Variants in PCLO observed in about 807,000 individuals in gnomAD.
PCLO encodes protein piccolo.
Under a neutral mutation model 427.5 loss-of-function variants are expected in PCLO, and 82 were observed. The observed-to-expected ratio is 0.19, with a 90% CI of 0.16 to 0.23. PCLO has a LOEUF of 0.23. Among genes scored for constraint, PCLO ranks in the 10% least tolerant of loss-of-function variants. PCLO has a pLI of 1.00. For synonymous variants in PCLO, 2,357 were observed against 2,155.4 expected (o/e 1.09, Z -2.59); for missense variants, 6,239 against 6,115.9 (o/e 1.02, Z -0.67).
intron 2 of PCLO, among the ~76,000 whole-genome samples, chr7:83,151,980 G>C (rs1406601135): frequency 2.0e-5 from 3 of 149,070 alleles, no homozygotes; most frequent in Non-Finnish European, 3.0e-5. Flanking sequence ...TTTTTTTTGA[G>C]ACAGAGTCTT....
rs116562439 is a variant in PCLO, at chr7:82,897,748, A to C, written c.13528+4903T>G. ...AAAATGCATCCACTGTGAGTTACAG[A>C]AACAGTTTATTTTATGCTGTACACA... On this transcript the variant is annotated intron_variant, in intron 9 of 24. Transcript: ENST00000333891. Among the ~76,000 whole-genome samples the C allele has an allele frequency of 5.2e-3, 784 of 151,582 alleles. 7 individuals are homozygous for C. Among genetic ancestry groups the C allele is most frequent in the African/African-American group, 0.018 (747 of 41,504 alleles).
At chr7:83,027,878 C>T (rs1249451929) in intron 3 of PCLO, among the ~76,000 whole-genome samples, 2 of 125,438 alleles carry the variant, frequency 1.6e-5, no homozygotes, top group Non-Finnish European at 3.5e-5. Context: ...TCAATAGATG[C>T]AGAAAAGGCC....
intron 16 of PCLO, among the ~76,000 whole-genome samples, chr7:82,829,661 T>C (rs1284042368): frequency 1.3e-5 from 2 of 152,268 alleles, no homozygotes; most frequent in Admixed American, 6.5e-5. Flanking sequence ...TTTCTATATA[T>C]ACTTTTTAGA....
intron 22 of PCLO, among the ~76,000 whole-genome samples, chr7:82,800,785 G>A (rs922556490): frequency 2.6e-5 from 4 of 151,840 alleles, no homozygotes; most frequent in Admixed American, 1.3e-4. Flanking sequence ...TAGTAGAGAT[G>A]GGGTTTCGCC....
At chr7:83,073,578 T>C (rs1016837192) in intron 3 of PCLO, among the ~76,000 whole-genome samples, 1 of 151,974 alleles carries the variant, frequency 6.6e-6, no homozygotes, top group Non-Finnish European at 1.5e-5. Flanking sequence ...ACATTTGTAA[T>C]GCAAACAAAG....
intron 3 of PCLO, among the ~76,000 whole-genome samples, chr7:82,999,826 TAATATTA>T (rs1324026480): frequency 9.1e-6 from 1 of 110,128 alleles, no homozygotes; most frequent in Non-Finnish European, 1.8e-5. Context: ...ATATAATATA[TAATATTA>T]AATATAAAAT....
rs779523361 is a variant in PCLO, at chr7:82,955,022, T to G, written c.5931A>C (p.Gln1977His). 6.2e-7 allele frequency: 1 copy of G among 1,613,874 alleles called. No individual in the cohort carries two copies. The highest frequency in any genetic ancestry group is 1.1e-5 in the South Asian group (1 of 91,084). The change falls in exon 5 of 25, where the codon CAA (glutamine) becomes CAC (histidine). Residue 1977 changes from glutamine to histidine, a missense_variant. Physicochemically the swap from Gln to His is conservative, Grantham distance 24 (BLOSUM62 0). Coordinates refer to ENST00000333891, the MANE Select transcript of PCLO (RefSeq NM_033026.6). The part of the protein sequence containing the change: ...GSVDGSLLTR[Q>H]EEENGFMQQK... Reference sequence around the variant, plus strand: ...GCTGCATAAATCCATTTTCTTCTTCTTGCCTTGTTAGCAGACTGCCATCTA... The same window carrying G: ...GCTGCATAAATCCATTTTCTTCTTCGTGCCTTGTTAGCAGACTGCCATCTA...
At chr7:82,957,507 G>A (rs1346542535) in intron 4 of PCLO, among the ~76,000 whole-genome samples, 1 of 152,108 alleles carries the variant, frequency 6.6e-6, no homozygotes, top group East Asian at 1.9e-4. Flanking sequence ...TTCAAACAAG[G>A]CACTGCTTTT....
intron 3 of PCLO, among the ~76,000 whole-genome samples, chr7:83,099,474 C>T (rs1306102825): frequency 1.3e-5 from 2 of 151,034 alleles, no homozygotes; most frequent in Admixed American, 6.6e-5. Flanking sequence ...CTGCAACCTC[C>T]GCCTCCCGGA....
chr7:83,083,342 G>A (rs912685448), intron 3 of PCLO, among the ~76,000 whole-genome samples: 4 of 151,852 alleles, frequency 2.6e-5, no homozygotes, highest in Non-Finnish European at 5.9e-5. Flanking sequence ...AATCAAATAT[G>A]ATCTCAACTT....
Position 83,135,496 on chromosome 7 carries a change from T to C in PCLO, c.2054A>G (p.Lys685Arg), listed in dbSNP as rs770628124. ...SSPQPQQTSP[K>R]KDAAPKQDLS... ...ATCCTGTTTTGGTGCAGCATCCTTC[T>C]TTGGGGAAGTCTGCTGTGGCTGTGG... is the stretch of plus-strand genomic sequence containing the variant. The change falls in exon 3 of 25, where the codon AAG (lysine) becomes AGG (arginine). Residue 685 changes from lysine (K) to arginine (R), a missense_variant. Lys to Arg is a conservative substitution (Grantham distance 26). Transcript: ENST00000333891. 1.2e-6 allele frequency: 2 copies of C among 1,613,726 alleles called. No individual in the cohort carries two copies. The highest frequency in any genetic ancestry group is 1.7e-5 in the Admixed American group (1 of 59,996).
At position 82,950,440 on chromosome 7, in the gene PCLO, T is replaced by G. The variant is rs1444632128; in HGVS notation, c.10148A>C (p.Gln3383Pro). The G allele has an allele frequency of 6.2e-7, 1 of 1,613,802 alleles. No individual in the cohort carries two copies. The highest frequency in any genetic ancestry group is 1.7e-5 in the Admixed American group (1 of 59,998). ...WYTVQSDGVTQYIAPPGILST... is the reference protein window; with the variant it reads ...WYTVQSDGVTPYIAPPGILST... Reference sequence around the variant, plus strand: ...CAGGATACCAGGTGGGGCAATGTACTGAGTAACACCATCAGACTGAACGGT... The same window carrying G: ...CAGGATACCAGGTGGGGCAATGTACGGAGTAACACCATCAGACTGAACGGT... The change falls in exon 6 of 25, where the codon CAG (glutamine) becomes CCG (proline). Residue 3383 changes from glutamine (Q) to proline (P), a missense_variant. By Grantham distance (76) the Gln-to-Pro change is moderately conservative (BLOSUM62 -1). Coordinates refer to ENST00000333891, the MANE Select transcript of PCLO (RefSeq NM_033026.6).
chr7:83,149,154 G>A (rs1290169766), intron 2 of PCLO, among the ~76,000 whole-genome samples: 3 of 152,124 alleles, frequency 2.0e-5, no homozygotes, highest in Non-Finnish European at 4.4e-5. Context: ...GGTTCCTCCT[G>A]TACCTTGTCT....
intron 9 of PCLO, 150 bp downstream of exon 9, chr7:82,902,501 C>A: frequency 1.9e-6 from 1 of 539,950 alleles, no homozygotes; most frequent in South Asian, 2.0e-5. Flanking sequence ...GGGTGCAGCA[C>A]ACCAGCATGG....
intron 8 of PCLO, among the ~76,000 whole-genome samples, chr7:82,904,055 G>A (rs1794122830): frequency 6.6e-6 from 1 of 151,864 alleles, no homozygotes; most frequent in South Asian, 2.1e-4. Flanking sequence ...GCAGAATCCT[G>A]TTAAGTCCAG....
chr7:82,821,236 T>C, intron 20 of PCLO: 3 of 987,762 alleles, frequency 3.0e-6, no homozygotes, highest in Non-Finnish European at 3.6e-6. Flanking sequence ...GGAGGACTCC[T>C]GCTATGCTGT....
intron 3 of PCLO, among the ~76,000 whole-genome samples, chr7:83,031,248 C>T (rs931820911): frequency 6.6e-6 from 1 of 152,214 alleles, no homozygotes; most frequent in Non-Finnish European, 1.5e-5. Context: ...TCAGAGACAT[C>T]ATATGCATGT....
chr7:82,960,422 T>C (rs1795630603), intron 4 of PCLO, among the ~76,000 whole-genome samples: 1 of 152,200 alleles, frequency 6.6e-6, no homozygotes, highest in Non-Finnish European at 1.5e-5. Flanking sequence ...ATTGGCTATA[T>C]GTAACTTGAA....
In PCLO at chr7:82,893,412, G is replaced by A. The variant is rs546412426; in HGVS notation, c.13528+9239C>T. 1.2e-4 allele frequency among the ~76,000 whole-genome samples: 18 copies of A among 152,026 alleles called. No homozygotes were observed. In the South Asian group the frequency reaches 3.1e-3, roughly 26 times the overall value. On this transcript the variant is annotated intron_variant, in intron 9 of 24. Coordinates refer to ENST00000333891, the MANE Select transcript of PCLO (RefSeq NM_033026.6). Reference sequence around the variant, plus strand: ...CACAGGGCAGGGAACATCACACACTGGGCCCTGTTGTGGGGTCAGGGAAGG... The same window carrying A: ...CACAGGGCAGGGAACATCACACACTAGGCCCTGTTGTGGGGTCAGGGAAGG...
Sources: allele counts gnomAD v4.1 joint callset (sites outside exome capture counted in the v4.1 genomes callset), GRCh38; gene constraint gnomAD v4.1.1; transcripts MANE v1.5; gene names NCBI Gene and HGNC (gene_info 2026-07-23, HGNC 2026-07-21).